The following SH3GLB1 variants were observed in gnomAD, a reference collection of about 807,000 sequenced individuals.
SH3GLB1 encodes SH3 domain containing GRB2 like, endophilin B1.
Under a neutral mutation model 42.0 loss-of-function variants are expected in SH3GLB1, and 17 were observed. The observed-to-expected ratio is 0.40, with a 90% CI of 0.28 to 0.61. The LOEUF (loss-of-function observed/expected upper bound fraction) is 0.61. Ranked by LOEUF, SH3GLB1 falls within the 20% of genes least tolerant of loss-of-function variation. The pLI is 0.36. For missense variants in SH3GLB1, 355 were observed against 426.3 expected, an observed-to-expected ratio of 0.83 and a Z score of 1.47; for synonymous variants, 132 against 146.6, an observed-to-expected ratio of 0.90 and a Z score of 0.72.
intron 5 of SH3GLB1, chr1:86,730,222 T>G: frequency 6.9e-7 from 1 of 1,442,744 alleles, no homozygotes; most frequent in South Asian, 1.4e-5. Flanking sequence ...TGTGTTAGTA[T>G]ACCTTATAAA....
intron 1 of SH3GLB1, among the ~76,000 whole-genome samples, chr1:86,708,716 T>C (rs1654018125): frequency 6.6e-6 from 1 of 152,258 alleles, no homozygotes; most frequent in South Asian, 2.1e-4. Context: ...CCTTGCTTAA[T>C]TGTTATTTTA....
intron 2 of SH3GLB1, among the ~76,000 whole-genome samples, chr1:86,716,721 C>G (rs1175427465): frequency 6.6e-6 from 1 of 152,192 alleles, no homozygotes; most frequent in Admixed American, 6.5e-5. Flanking sequence ...GAGTTAGCAT[C>G]TTGTCAAATG....
chr1:86,726,627 T>A (rs1244045201), intron 5 of SH3GLB1, among the ~76,000 whole-genome samples: 1 of 152,080 alleles, frequency 6.6e-6, no homozygotes, highest in African/African-American at 2.4e-5. Flanking sequence ...AGCCAAATAC[T>A]ATTTTTTTAG....
At chr1:86,734,858 A>C (rs1373317044) in intron 6 of SH3GLB1, among the ~76,000 whole-genome samples, 167 bp downstream of exon 6, 1 of 152,114 alleles carries the variant, frequency 6.6e-6, no homozygotes, top group Non-Finnish European at 1.5e-5. Context: ...ACATCTTATC[A>C]CCGAGTTCTC....
At chr1:86,730,657 G>T (rs1339254796) in intron 5 of SH3GLB1, among the ~76,000 whole-genome samples, 1 of 151,826 alleles carries the variant, frequency 6.6e-6, no homozygotes, top group Non-Finnish European at 1.5e-5. Flanking sequence ...CCGCCACCAC[G>T]CCTGGCTAAT....
chr1:86,736,891 T>C (rs1158717170), intron 7 of SH3GLB1, among the ~76,000 whole-genome samples: 1 of 152,210 alleles, frequency 6.6e-6, no homozygotes, highest in African/African-American at 2.4e-5. Context: ...ATATAGAACT[T>C]GACAAATCAT....
At position 86,704,603 on chromosome 1, in the gene SH3GLB1, C is replaced by A. The variant is rs1469863520; in HGVS notation, c.-297C>A. 5 of 281,206 alleles carry A rather than the reference C, an allele frequency of 1.8e-5. No homozygotes were observed. In the East Asian group the frequency reaches 4.5e-4, roughly 25 times the overall value. The allele number at this position is 281,206 out of a possible 1,614,324, so 17.4% of individuals were successfully genotyped here. A position where few individuals can be genotyped will look rare whatever the true frequency, so the allele number is the denominator to read the frequency against. On this transcript the variant is annotated 5_prime_UTR_variant, in exon 1 of 9. Coordinates refer to ENST00000370558, the MANE Select transcript of SH3GLB1 (RefSeq NM_016009.5). ...TTTTCCCTTGGGACCCGGGTCCACACGGCGGGGTCGCCCGTCCATCTCCGG... is the reference window on the plus strand; with the variant it reads ...TTTTCCCTTGGGACCCGGGTCCACAAGGCGGGGTCGCCCGTCCATCTCCGG...
chr1:86,737,385 AT>A (rs1485216733), intron 7 of SH3GLB1, among the ~76,000 whole-genome samples: 5 of 152,208 alleles, frequency 3.3e-5, no homozygotes, highest in African/African-American at 1.2e-4. Context: ...ATACTAGTAG[AT>A]TTGGAAGTAA....
intron 6 of SH3GLB1, 117 bp downstream of exon 6, chr1:86,734,808 C>G: frequency 1.4e-6 from 1 of 704,054 alleles, no homozygotes; most frequent in Admixed American, 2.7e-5. Context: ...AATTGTTCTA[C>G]TTTCCAATAT....
intron 5 of SH3GLB1, among the ~76,000 whole-genome samples, chr1:86,731,064 T>C (rs1359448186): frequency 6.6e-6 from 1 of 152,238 alleles, no homozygotes; most frequent in Non-Finnish European, 1.5e-5. Context: ...TCTGTATGAC[T>C]GCTGCTAGCA....
At chr1:86,726,133 T>G (rs766212780) in intron 5 of SH3GLB1, among the ~76,000 whole-genome samples, 1 of 152,104 alleles carries the variant, frequency 6.6e-6, no homozygotes, top group Non-Finnish European at 1.5e-5. Flanking sequence ...AAAGGATCAT[T>G]TGGAAATAGA....
At chr1:86,742,996 T>G (rs1018962625) in intron 8 of SH3GLB1, 132 bp from the exon 9 acceptor site, 6 of 709,156 alleles carry the variant, frequency 8.5e-6, no homozygotes, top group African/African-American at 1.8e-5. Context: ...CCTTTGTTTT[T>G]CAGCACAATT....
At chr1:86,731,425 T>A (rs182207747) in intron 5 of SH3GLB1, among the ~76,000 whole-genome samples, 14 of 152,306 alleles carry the variant, frequency 9.2e-5, no homozygotes, top group Admixed American at 6.5e-4. Flanking sequence ...AGTATGAAAT[T>A]CTTACCTTAT....
chr1:86,741,747 G>A (rs1340541461), intron 7 of SH3GLB1, among the ~76,000 whole-genome samples: 6 of 151,948 alleles, frequency 3.9e-5, no homozygotes, highest in Non-Finnish European at 8.8e-5. Flanking sequence ...TATTTGAATA[G>A]GAAAATGTGA....
In SH3GLB1 at chr1:86,728,400, A is replaced by G. The variant is rs1484617321; in HGVS notation, c.570+3995A>G. 5 of 1,538,446 alleles carry G rather than the reference A, an allele frequency of 3.3e-6. No individual in the cohort carries two copies. The African/African-American group carries it at 5.5e-5, about 17-fold the overall frequency. ...GTTCTTTGTCTCTTACTATGCACTT[A>G]AGCAACTAAACTCAGCTCGCCTTGA... On this transcript the variant is annotated intron_variant, in intron 5 of 8. Transcript: ENST00000370558.
intron 5 of SH3GLB1, chr1:86,728,489 G>A (rs1377387543): frequency 2.0e-6 from 3 of 1,535,372 alleles, no homozygotes; most frequent in Non-Finnish European, 2.6e-6. Context: ...AATGGCTGAA[G>A]GTTTGTTGGC....
chr1:86,723,737 A>G (rs1231204187), intron 4 of SH3GLB1, among the ~76,000 whole-genome samples: 1 of 152,186 alleles, frequency 6.6e-6, no homozygotes, highest in Non-Finnish European at 1.5e-5. Flanking sequence ...ATTTGGTGCT[A>G]TGACACATTA....
intron 5 of SH3GLB1, among the ~76,000 whole-genome samples, chr1:86,726,654 G>A (rs1043841698): frequency 4.0e-5 from 6 of 151,854 alleles, no homozygotes; most frequent in East Asian, 1.9e-4. Flanking sequence ...CAGGAAGTTC[G>A]ATTTCCTGAT....
intron 3 of SH3GLB1, among the ~76,000 whole-genome samples, chr1:86,722,044 G>C (rs1237101776): frequency 7.2e-6 from 1 of 139,034 alleles, no homozygotes; most frequent in Non-Finnish European, 1.5e-5. Flanking sequence ...ATAGTGACAG[G>C]CCCTGCTGTG....
Sources: gnomAD v4.1 joint callset for allele counts (sites outside exome capture counted in the v4.1 genomes callset) on GRCh38, gnomAD v4.1.1 for gene constraint, MANE v1.5 for transcripts, NCBI Gene and HGNC (gene_info 2026-07-23, HGNC 2026-07-21) for gene names.